ARHGAP6: variants seen among roughly 807,000 people sequenced by gnomAD.
ARHGAP6 encodes the protein rho GTPase-activating protein 6.
ARHGAP6 carries 16 observed loss-of-function variants against 55.7 expected under a neutral mutation model. That is an observed-to-expected ratio of 0.29 (90% CI 0.19 to 0.44). The LOEUF is 0.44. ARHGAP6 is among the 20% of genes least tolerant of loss of function. The probability of loss-of-function intolerance (pLI) is 1.00; values close to 1 mark genes in which losing one functional copy is unlikely to be tolerated. For missense variants in ARHGAP6, 698 were observed against 808.9 expected (o/e 0.86, Z 1.66); for synonymous variants, 382 against 360.9 (o/e 1.06, Z -0.66).
intron 1 of ARHGAP6, among the ~76,000 whole-genome samples, chrX:11,361,792 A>T (rs1410167413): frequency 9.9e-5 from 11 of 111,431 alleles, no homozygotes; most frequent in African/African-American, 3.0e-4. Context: ...TACAATGAAC[A>T]CAAACAAATT....
chrX:11,156,719 C>A, intron 9 of ARHGAP6, 93 bp from the exon 10 acceptor site: 2 of 661,866 alleles, frequency 3.0e-6, no homozygotes, highest in Non-Finnish European at 2.3e-6. Context: ...CAAAACAGAG[C>A]CCTAAAAGCT....
At position 11,298,963 on chromosome X, in the gene ARHGAP6, G is replaced by A. The variant is rs1056143468; in HGVS notation, c.589-44256C>T. 8 of 1,209,524 alleles carry A rather than the reference G, an allele frequency of 6.6e-6. No individual in the cohort carries two copies. Among genetic ancestry groups the A allele is most frequent in the Admixed American group, 4.4e-5 (2 of 45,857 alleles). On this transcript the variant is annotated intron_variant, in intron 1 of 12. Coordinates refer to ENST00000337414, the MANE Select transcript of ARHGAP6 (RefSeq NM_013427.3). ...TGGCCATCAACAGACAAGACCAAGC[G>A]GGAGGAAGTGGTGAGTATATTTTGA...
intron 1 of ARHGAP6, among the ~76,000 whole-genome samples, chrX:11,322,250 T>C (rs1405058122): frequency 2.7e-5 from 3 of 112,046 alleles, no homozygotes; most frequent in African/African-American, 9.7e-5. Flanking sequence ...AGCAGCATCC[T>C]TGGCCAGTAG....
intron 1 of ARHGAP6, among the ~76,000 whole-genome samples, chrX:11,541,408 G>C (rs912062247): frequency 9.0e-6 from 1 of 110,899 alleles, no homozygotes; most frequent in Non-Finnish European, 1.9e-5. Flanking sequence ...TAAATGAGGT[G>C]GTTGGGGTAT....
At position 11,649,991 on chromosome X, in the gene ARHGAP6, C is replaced by CT. The variant is rs201517374; in HGVS notation, c.588+14249dup. Among the ~76,000 whole-genome samples, 523 of 88,056 alleles carry CT rather than the reference C, an allele frequency of 5.9e-3. 6 individuals are homozygous for CT. The highest frequency in any genetic ancestry group is 0.058 in the East Asian group (166 of 2,857). The allele number at this position is 88,056 out of a possible 115,157, so 76.5% of individuals were successfully genotyped here. On this transcript the variant is annotated intron_variant, in intron 1 of 12. Coordinates refer to ENST00000337414, the MANE Select transcript of ARHGAP6 (RefSeq NM_013427.3). ...CTTCTTGACCATTCAACTTTCTTTT[C>CT]TTTTTTTTTTTTTTTTTTCCTAAGA... is the stretch of plus-strand genomic sequence containing the variant.
At chrX:11,209,650 A>T (rs914039453) in intron 2 of ARHGAP6, among the ~76,000 whole-genome samples, 1 of 112,551 alleles carries the variant, frequency 8.9e-6, no homozygotes, top group Non-Finnish European at 1.9e-5. Context: ...TATGTACAGA[A>T]CTGTATTTTA....
chrX:11,303,183 T>A (rs2048191957), intron 1 of ARHGAP6, among the ~76,000 whole-genome samples: 1 of 112,807 alleles, frequency 8.9e-6, no homozygotes. Context: ...GTCATCAGCT[T>A]ATGTCTGTTG....
intron 1 of ARHGAP6, among the ~76,000 whole-genome samples, chrX:11,604,414 T>C (rs2052011110): frequency 8.9e-6 from 1 of 112,010 alleles, no homozygotes; most frequent in African/African-American, 3.2e-5. Flanking sequence ...AGTGGGAAAC[T>C]GCCACATAGT....
At chrX:11,398,249 T>C (rs1458527000) in intron 1 of ARHGAP6, among the ~76,000 whole-genome samples, 1 of 97,845 alleles carries the variant, frequency 1.0e-5, no homozygotes, top group Non-Finnish European at 2.0e-5. Flanking sequence ...TAGTAAGGAC[T>C]GCGTAAGTGC....
chrX:11,664,722 C>T lies in ARHGAP6; in HGVS notation c.107G>A (p.Arg36His). 1.1e-5 allele frequency: 13 copies of T among 1,191,340 alleles called. No homozygotes were observed. The highest frequency in any genetic ancestry group is 2.7e-4 in the Middle Eastern group (1 of 3,743). ...GFSKRKLRQT[R>H]SLDPALIGGC... ...GCCGATCAGGGCCGGGTCCAGGCTG[C>T]GGGTCTGGCGCAGCTTCCTCTTGGA... The change falls in exon 1 of 13, where the codon CGC (arginine) becomes CAC (histidine). Residue 36 changes from arginine (R) to histidine (H), a missense_variant. Around this residue, in one of 3 missense-constraint regions of ARHGAP6, gnomAD observed 164 missense variants for 149.2 expected, o/e 1.10. Coordinates refer to ENST00000337414, the MANE Select transcript of ARHGAP6 (RefSeq NM_013427.3).
At chrX:11,206,989 C>G (rs1372304413) in intron 2 of ARHGAP6, among the ~76,000 whole-genome samples, 1 of 111,475 alleles carries the variant, frequency 9.0e-6, no homozygotes, top group Non-Finnish European at 1.9e-5. Context: ...TACCTTCTTT[C>G]TTGACTTTAT....
Position 11,664,721 on chromosome X carries a change from G to A in ARHGAP6, c.108C>T (p.Arg36=), listed in dbSNP as rs1422511232. 1.7e-6 allele frequency: 2 copies of A among 1,191,428 alleles called. No homozygotes were observed. Among genetic ancestry groups the A allele is most frequent in the South Asian group, 3.7e-5 (2 of 54,225 alleles). The change falls in exon 1 of 13, where the codon CGC becomes CGT. Residue 36 remains arginine (R), a synonymous_variant. Transcript: ENST00000337414. ...CGCCGATCAGGGCCGGGTCCAGGCT[G>A]CGGGTCTGGCGCAGCTTCCTCTTGG... ...GFSKRKLRQT[R]SLDPALIGGC... is the part of the protein sequence containing the mutation.
At chrX:11,520,365 A>C (rs1487207581) in intron 1 of ARHGAP6, among the ~76,000 whole-genome samples, 1 of 102,581 alleles carries the variant, frequency 9.7e-6, no homozygotes, top group Non-Finnish European at 2.0e-5. Flanking sequence ...CCTGTGTCCA[A>C]GTGTTCTCAT....
At chrX:11,445,039 G>T (rs1197113001) in intron 1 of ARHGAP6, among the ~76,000 whole-genome samples, 1 of 112,460 alleles carries the variant, frequency 8.9e-6, no homozygotes, top group Non-Finnish European at 1.9e-5. Context: ...CAGCAATACT[G>T]TGATTGTAAA....
intron 3 of ARHGAP6, among the ~76,000 whole-genome samples, chrX:11,195,384 C>T (rs1250267271): frequency 9.2e-6 from 1 of 109,209 alleles, no homozygotes; most frequent in African/African-American, 3.3e-5. Context: ...AATTGGACTG[C>T]GTCAATGGGG....
intron 1 of ARHGAP6, among the ~76,000 whole-genome samples, chrX:11,323,583 G>A (rs1445126303): frequency 8.9e-6 from 1 of 112,094 alleles, no homozygotes; most frequent in Non-Finnish European, 1.9e-5. Context: ...AAGTGATGAG[G>A]GCTGAGTGTG....
intron 1 of ARHGAP6, among the ~76,000 whole-genome samples, chrX:11,637,530 T>G (rs1167876331): frequency 9.0e-6 from 1 of 111,455 alleles, no homozygotes; most frequent in Non-Finnish European, 1.9e-5. Flanking sequence ...ATTAACCTAA[T>G]TATTTGCACT....
intron 1 of ARHGAP6, among the ~76,000 whole-genome samples, chrX:11,388,582 G>T (rs1603163902): frequency 9.0e-6 from 1 of 111,345 alleles, no homozygotes; most frequent in Non-Finnish European, 1.9e-5. Context: ...GTCAATTTTG[G>T]CTTTTGTTGC....
At chrX:11,174,623 TTTTCTTTCTTTCTTTCTTTCTTTCTTTC>T (rs55966871) in intron 8 of ARHGAP6, among the ~76,000 whole-genome samples, 56 of 46,726 alleles carry the variant, frequency 1.2e-3, no homozygotes, top group African/African-American at 3.8e-3. Flanking sequence ...TTTCTCTTTC[TTTTCTTTCTTTCTTTCTTTCTTTCTTTC>T]TTTCTTTCTT....
Sources: allele counts gnomAD v4.1 joint callset (sites outside exome capture counted in the v4.1 genomes callset), GRCh38; gene constraint gnomAD v4.1.1; regional missense constraint gnomAD v4.1.1; transcripts MANE v1.5; gene names NCBI Gene and HGNC (gene_info 2026-07-23, HGNC 2026-07-21).